PRR5L: variants seen among roughly 807,000 people sequenced by gnomAD.
PRR5L encodes the protein proline rich 5 like, also known as proline-rich protein 5-like.
PRR5L carries 21 observed loss-of-function variants against 36.4 expected under a neutral mutation model. The observed-to-expected ratio is 0.58, with a 90% CI of 0.41 to 0.83. PRR5L has a LOEUF of 0.83. Ranked by LOEUF, PRR5L falls within the 40% of genes least tolerant of loss-of-function variation. The pLI, the probability that PRR5L is intolerant of heterozygous loss-of-function variation, is 0.00. For synonymous variants in PRR5L, 188 were observed against 197.0 expected, an observed-to-expected ratio of 0.95 and a Z score of 0.38; for missense variants, 381 against 473.3, an observed-to-expected ratio of 0.80 and a Z score of 1.81.
intron 8 of PRR5L, among the ~76,000 whole-genome samples, chr11:36,455,756 G>A (rs1656719462): frequency 6.6e-6 from 1 of 152,212 alleles, no homozygotes; most frequent in Non-Finnish European, 1.5e-5. Context: ...CCCCGGGCCT[G>A]GCGTTCAGTT....
At chr11:36,298,509 C>T (rs1377899113) in intron 1 of PRR5L, among the ~76,000 whole-genome samples, 2 of 152,140 alleles carry the variant, frequency 1.3e-5, no homozygotes, top group Non-Finnish European at 2.9e-5. Context: ...CCCTCACATG[C>T]GCAGTTCACA....
Position 36,305,853 on chromosome 11 carries a change from C to A in PRR5L, c.-126+9415C>A, listed in dbSNP as rs535097956. 2.0e-5 allele frequency among the ~76,000 whole-genome samples: 3 copies of A among 152,210 alleles called. No homozygotes were observed. In the South Asian group the frequency reaches 6.2e-4, roughly 32 times the overall value. On this transcript the variant is annotated intron_variant, in intron 1 of 8. Coordinates refer to ENST00000530639, the MANE Select transcript of PRR5L (RefSeq NM_001160167.2). ...TGTTGATAAGCCATTCAGTTTATGG[C>A]GTTTTGTTATAGCAGTTTAAATGGA...
intron 5 of PRR5L, 97 bp downstream of exon 5, chr11:36,432,007 A>G (rs1362425001): frequency 5.7e-6 from 6 of 1,051,732 alleles, no homozygotes; most frequent in Non-Finnish European, 7.4e-6. Context: ...GGCAGGCTCC[A>G]AGCGAGTGAT....
At chr11:36,306,763 A>G (rs1856436662) in intron 1 of PRR5L, among the ~76,000 whole-genome samples, 1 of 152,156 alleles carries the variant, frequency 6.6e-6, no homozygotes, top group Admixed American at 6.5e-5. Flanking sequence ...CCACCACCAA[A>G]AAAGTCTGAA....
chr11:36,431,027 C>T (rs1858482716), intron 4 of PRR5L, among the ~76,000 whole-genome samples: 1 of 152,112 alleles, frequency 6.6e-6, no homozygotes, highest in Non-Finnish European at 1.5e-5. Flanking sequence ...GTAAAGACAC[C>T]AGCCCGTCAT....
rs868075613 is a variant in PRR5L, at chr11:36,370,541, A to C, written c.-125-30456A>C. Among the ~76,000 whole-genome samples the C allele has an allele frequency of 3.3e-5, 5 of 152,232 alleles. No homozygotes were observed. The South Asian group carries it at 6.2e-4, about 19-fold the overall frequency. On this transcript the variant is annotated intron_variant, in intron 1 of 8. Transcript: ENST00000530639. ...AGTGGCCAGCCAGTATTTGTTGACC[A>C]AATGACTGACTTAGGATTGTGGGAA...
chr11:36,447,894 C>T (rs1345264098), intron 7 of PRR5L, among the ~76,000 whole-genome samples: 1 of 152,094 alleles, frequency 6.6e-6, no homozygotes, highest in East Asian at 1.9e-4. Flanking sequence ...TCTGAGAAGC[C>T]TTAATTAGAG....
At chr11:36,374,101 CCTTCCTCT>C (rs775540392) in intron 1 of PRR5L, among the ~76,000 whole-genome samples, 10,190 of 89,652 alleles carry the variant, frequency 0.11, 568 homozygotes, top group East Asian at 0.15. Context: ...TTCCTTCCTT[CCTTCCTCT>C]CTCTCTCTCT....
At chr11:36,329,890 G>C (rs936333376) in intron 1 of PRR5L, among the ~76,000 whole-genome samples, 2 of 152,182 alleles carry the variant, frequency 1.3e-5, no homozygotes, top group African/African-American at 4.8e-5. Flanking sequence ...GAACCCTGTA[G>C]TCCAGGAACC....
intron 1 of PRR5L, among the ~76,000 whole-genome samples, chr11:36,385,095 T>C (rs940200919): frequency 1.3e-5 from 2 of 152,244 alleles, no homozygotes; most frequent in South Asian, 2.1e-4. Context: ...AAAACTCTTG[T>C]TGGCTGCCAG....
chr11:36,324,429 C>T (rs1856640680), intron 1 of PRR5L, among the ~76,000 whole-genome samples: 1 of 152,086 alleles, frequency 6.6e-6, no homozygotes, highest in African/African-American at 2.4e-5. Flanking sequence ...ACAGGAGGTG[C>T]TGGAAACGCT....
At chr11:36,395,383 G>A (rs1218277503) in intron 1 of PRR5L, among the ~76,000 whole-genome samples, 2 of 152,226 alleles carry the variant, frequency 1.3e-5, no homozygotes, top group African/African-American at 4.8e-5. Context: ...GTACACATGT[G>A]TGCAGCTATT....
At chr11:36,402,482 A>T (rs1857818130) in intron 2 of PRR5L, among the ~76,000 whole-genome samples, 1 of 152,128 alleles carries the variant, frequency 6.6e-6, no homozygotes. Flanking sequence ...ACCTCAAGTG[A>T]TCCACCTGCC....
At chr11:36,390,967 G>A (rs1195504419) in intron 1 of PRR5L, among the ~76,000 whole-genome samples, 1 of 152,114 alleles carries the variant, frequency 6.6e-6, no homozygotes, top group Non-Finnish European at 1.5e-5. Flanking sequence ...AAGGACATTG[G>A]GTCATTCCTG....
At chr11:36,379,461 A>G (rs1483796829) in intron 1 of PRR5L, 4 of 152,268 alleles carry the variant, frequency 2.6e-5, no homozygotes, top group Admixed American at 2.0e-4. Flanking sequence ...AATGTTCATC[A>G]TTAAAGGTTT....
chr11:36,340,496 C>G (rs1333133067), intron 1 of PRR5L, among the ~76,000 whole-genome samples: 1 of 152,188 alleles, frequency 6.6e-6, no homozygotes, highest in Non-Finnish European at 1.5e-5. Flanking sequence ...AAGTGCTTTA[C>G]TTTTTATCAC....
chr11:36,410,291 C>G lies in PRR5L; in HGVS notation c.245+6913C>G, dbSNP rs1264855343. Among the ~76,000 whole-genome samples the G allele has an allele frequency of 3.3e-5, 5 of 152,184 alleles. No homozygotes were observed. The East Asian group carries it at 9.6e-4, about 29-fold the overall frequency. ...CCTCTCTGGAAAGGTCAGATCTGGG[C>G]ACTGGACTCACGGTCTGGTGTGGAG... On this transcript the variant is annotated intron_variant, in intron 3 of 8. Transcript: ENST00000530639.
At chr11:36,342,049 A>G (rs1479759426) in intron 1 of PRR5L, among the ~76,000 whole-genome samples, 2 of 152,194 alleles carry the variant, frequency 1.3e-5, no homozygotes, top group Non-Finnish European at 2.9e-5. Flanking sequence ...TCTTCAGCAA[A>G]GTAGCCATTG....
intron 1 of PRR5L, among the ~76,000 whole-genome samples, chr11:36,332,098 A>C (rs535750421): frequency 6.6e-6 from 1 of 152,296 alleles, no homozygotes; most frequent in South Asian, 2.1e-4. Flanking sequence ...GTTCATTCTT[A>C]TTTAAGTCCT....
Sources: gnomAD v4.1 joint callset for allele counts (sites outside exome capture counted in the v4.1 genomes callset) on GRCh38, gnomAD v4.1.1 for gene constraint, MANE v1.5 for transcripts, NCBI Gene and HGNC (gene_info 2026-07-23, HGNC 2026-07-21) for gene names.